WWC2: variants seen among roughly 807,000 people sequenced by gnomAD.
The protein encoded by WWC2 is protein WWC2.
A neutral mutation model predicts 138.5 loss-of-function variants in WWC2; 101 were observed. The observed-to-expected ratio is 0.73, with a 90% confidence interval of 0.62 to 0.86. WWC2 has a LOEUF of 0.86. WWC2 is among the 40% of genes least tolerant of loss of function. The pLI is 0.00. For missense variants in WWC2, 1,420 were observed against 1,419.4 expected, an observed-to-expected ratio of 1.00 and a Z score of -0.01; for synonymous variants, 558 against 538.4, an observed-to-expected ratio of 1.04 and a Z score of -0.50.
intron 9 of WWC2, among the ~76,000 whole-genome samples, chr4:183,256,899 C>T (rs11736049): frequency 4.4e-5 from 4 of 90,448 alleles, no homozygotes; most frequent in East Asian, 3.7e-4. Flanking sequence ...CCCCCCCCCC[C>T]CCCCGGCTCT....
intron 1 of WWC2, among the ~76,000 whole-genome samples, chr4:183,134,857 T>G (rs1183984791): frequency 1.3e-5 from 2 of 152,192 alleles, no homozygotes; most frequent in Non-Finnish European, 2.9e-5. Flanking sequence ...AGTAATTTCC[T>G]TATTTTCCTT....
chr4:183,297,754 C>T (rs143843502), intron 21 of WWC2, among the ~76,000 whole-genome samples: 10 of 152,300 alleles, frequency 6.6e-5, no homozygotes, highest in Non-Finnish European at 1.5e-4. Context: ...GAGGGTGCAG[C>T]CCAGGGGAGC....
intron 1 of WWC2, among the ~76,000 whole-genome samples, chr4:183,163,408 G>C (rs1013648071): frequency 1.8e-4 from 27 of 152,298 alleles, no homozygotes; most frequent in Non-Finnish European, 3.2e-4. Context: ...AGCCACAGGG[G>C]ATAGTAAGAA....
At chr4:183,312,555 T>C in intron 22 of WWC2, 87 bp downstream of exon 22, 3 of 1,571,146 alleles carry the variant, frequency 1.9e-6, no homozygotes, top group East Asian at 2.3e-5. Context: ...TGAAAGTTAA[T>C]ATGAGGATCC....
At position 183,264,983 on chromosome 4, in the gene WWC2, G is replaced by T; in HGVS notation, c.1915G>T (p.Glu639Ter). Residue 639 changes from glutamate to a stop codon, truncating the protein, a stop_gained, in exon 12 of 23, where the codon GAA becomes TAA. Transcript: ENST00000403733. LOFTEE classifies it high-confidence loss of function. Reference protein sequence around the residue: ...EPLYEGTADVEKSLPKRRVIH... With the variant: ...EPLYEGTADV ...TCTCACCCTCCCCTCCATAGATGTG[G>T]AAAAATCATTACCAAAAAGAAGAGT... 6.2e-7 allele frequency: 1 copy of T among 1,612,138 alleles called. No homozygotes were observed. The highest frequency in any genetic ancestry group is 8.5e-7 in the Non-Finnish European group (1 of 1,178,970).
At chr4:183,312,272 C>T (rs974498416) in intron 21 of WWC2, 69 bp from the exon 22 acceptor site, 4 of 1,582,828 alleles carry the variant, frequency 2.5e-6, no homozygotes, top group Non-Finnish European at 3.4e-6. Flanking sequence ...TTTGAAGCTT[C>T]ATAGGATGTC....
intron 21 of WWC2, among the ~76,000 whole-genome samples, chr4:183,291,426 T>A (rs1738447472): frequency 6.6e-6 from 1 of 152,216 alleles, no homozygotes; most frequent in Non-Finnish European, 1.5e-5. Flanking sequence ...TGCTCTTAGT[T>A]TGTAATCTCA....
In WWC2 at chr4:183,269,207, G is replaced by T. The variant is rs546346470; in HGVS notation, c.2400+44G>T. On this transcript the variant is annotated intron_variant, in intron 15 of 22. Transcript: ENST00000403733. ...CCCATTACCAAATAGCACTTAGATT[G>T]GGTGGTCTGAGGATATACTTTGTAG... 57 of 1,561,500 alleles carry T rather than the reference G, an allele frequency of 3.7e-5. No individual in the cohort carries two copies. The African/African-American group carries it at 6.8e-4, about 19-fold the overall frequency.
In WWC2 at chr4:183,261,025, G is replaced by A. The variant is rs974533739; in HGVS notation, c.1402G>A (p.Glu468Lys). 2 of 1,613,808 alleles carry A rather than the reference G, an allele frequency of 1.2e-6. No homozygotes were observed. The highest frequency in any genetic ancestry group is 1.3e-5 in the African/African-American group (1 of 74,894). Residue 468 changes from glutamate to lysine, a missense_variant, in exon 11 of 23, where the codon GAA becomes AAA. Glu to Lys is a moderately conservative substitution (Grantham distance 56, BLOSUM62 1). Coordinates refer to ENST00000403733, the MANE Select transcript of WWC2 (RefSeq NM_024949.6). ...RGSLNSLSST[E>K]LYYSSQSDQI... Reference sequence around the variant, plus strand: ...GTCACTCAACTCCCTCAGTTCCACCGAACTCTATTACAGCAGTCAAAGTGA... The same window carrying A: ...GTCACTCAACTCCCTCAGTTCCACCAAACTCTATTACAGCAGTCAAAGTGA...
chr4:183,245,245 A>AAAAC (rs1736736673), intron 5 of WWC2, among the ~76,000 whole-genome samples, 171 bp from the exon 6 acceptor site: 3 of 150,622 alleles, frequency 2.0e-5, no homozygotes, highest in Admixed American at 2.0e-4. Context: ...AAAAAAAAAA[A>AAAAC]AAAAGAGAGA....
At chr4:183,133,246 C>T (rs549638004) in intron 1 of WWC2, among the ~76,000 whole-genome samples, 2 of 144,290 alleles carry the variant, frequency 1.4e-5, no homozygotes, top group Middle Eastern at 3.8e-3. Flanking sequence ...CCTTCAACTT[C>T]TGGGCTCAAG....
At chr4:183,299,649 C>G (rs983544361) in intron 21 of WWC2, among the ~76,000 whole-genome samples, 1 of 152,160 alleles carries the variant, frequency 6.6e-6, no homozygotes, top group Non-Finnish European at 1.5e-5. Context: ...CACCTGCTTC[C>G]TCCTCACTTC....
chr4:183,295,899 T>C (rs745788892), intron 21 of WWC2, among the ~76,000 whole-genome samples: 1 of 152,202 alleles, frequency 6.6e-6, no homozygotes, highest in Non-Finnish European at 1.5e-5. Flanking sequence ...TTCTCAGACA[T>C]AGTGTAAGGT....
At chr4:183,179,655 T>G (rs1292016814) in intron 1 of WWC2, among the ~76,000 whole-genome samples, 3 of 151,770 alleles carry the variant, frequency 2.0e-5, no homozygotes, top group African/African-American at 7.3e-5. Flanking sequence ...AACAGGTCAT[T>G]TGGGGGAGGA....
At chr4:183,130,023 T>C (rs1239959874) in intron 1 of WWC2, among the ~76,000 whole-genome samples, 1 of 152,146 alleles carries the variant, frequency 6.6e-6, no homozygotes, top group African/African-American at 2.4e-5. Flanking sequence ...TATGCTCTTA[T>C]TTGGTATAAC....
chr4:183,213,470 A>T (rs1266158932), intron 4 of WWC2, among the ~76,000 whole-genome samples: 2 of 152,198 alleles, frequency 1.3e-5, no homozygotes, highest in Non-Finnish European at 2.9e-5. Flanking sequence ...GCCAAACGCT[A>T]GTTTTATGCT....
chr4:183,289,224 GTC>G (rs1738351863), intron 20 of WWC2, among the ~76,000 whole-genome samples, 167 bp from the exon 21 acceptor site: 1 of 152,218 alleles, frequency 6.6e-6, no homozygotes, highest in Non-Finnish European at 1.5e-5. Context: ...AGTAAGGCAT[GTC>G]TCTCCCACTC....
Position 183,208,144 on chromosome 4 carries a change from T to A in WWC2, c.433T>A (p.Ser145Thr). 1 of 1,613,594 alleles carries A rather than the reference T, an allele frequency of 6.2e-7. No homozygotes were observed. Among genetic ancestry groups the A allele is most frequent in the East Asian group, 2.2e-5 (1 of 44,878 alleles). ...TGATGCCTATAAGGAAAAGTCAAGT[T>A]CTCACACAAGCTGTAAGTACAGTGT... ...LNDAYKEKSSSHTSLFSGSSS... is the reference protein window; with the variant it reads ...LNDAYKEKSSTHTSLFSGSSS... Residue 145 changes from serine (S) to threonine (T), a missense_variant, in exon 3 of 23, where the codon TCT becomes ACT. Transcript: ENST00000403733.
chr4:183,186,353 T>C (rs1734800127), intron 1 of WWC2, among the ~76,000 whole-genome samples: 1 of 152,166 alleles, frequency 6.6e-6, no homozygotes. Context: ...CCACAAATAC[T>C]GTCTTTCAAG....
Sources: allele counts gnomAD v4.1 joint callset (sites outside exome capture counted in the v4.1 genomes callset), GRCh38; gene constraint gnomAD v4.1.1; transcripts MANE v1.5; gene names NCBI Gene and HGNC (gene_info 2026-07-23, HGNC 2026-07-21).